The following RASGRF2 variants were observed in gnomAD, a reference collection of about 807,000 sequenced individuals.
RASGRF2 encodes ras-specific guanine nucleotide-releasing factor 2.
A neutral mutation model predicts 151.0 loss-of-function variants in RASGRF2; 76 were observed. The observed-to-expected ratio is 0.50, with a 90% confidence interval of 0.42 to 0.61. The LOEUF is 0.61. Among genes scored for constraint, RASGRF2 ranks in the 20% least tolerant of loss-of-function variants. RASGRF2 has a pLI of 0.00. For synonymous variants in RASGRF2, 504 were observed against 566.5 expected (o/e 0.89, Z 1.57); for missense variants, 1,148 against 1,564.6 (o/e 0.73, Z 4.49).
chr5:81,092,445 T>C (rs112896712), intron 9 of RASGRF2, among the ~76,000 whole-genome samples: 3 of 152,224 alleles, frequency 2.0e-5, no homozygotes, highest in African/African-American at 7.2e-5. Context: ...AATTATGCAA[T>C]ATGTATGTTA....
intron 18 of RASGRF2, among the ~76,000 whole-genome samples, chr5:81,186,753 T>C (rs1755035539): frequency 6.6e-6 from 1 of 152,170 alleles, no homozygotes; most frequent in African/African-American, 2.4e-5. Flanking sequence ...TCTCCAAAAA[T>C]CACAGTAGGA....
chr5:81,005,612 A>G (rs947074340), intron 1 of RASGRF2, among the ~76,000 whole-genome samples: 7 of 152,212 alleles, frequency 4.6e-5, no homozygotes, highest in African/African-American at 1.4e-4. Context: ...TTGTATGGAT[A>G]TACCACATTT....
At chr5:81,158,463 A>T (rs942956749) in intron 17 of RASGRF2, among the ~76,000 whole-genome samples, 1 of 152,232 alleles carries the variant, frequency 6.6e-6, no homozygotes, top group South Asian at 2.1e-4. Flanking sequence ...ATTAGGCTTC[A>T]TCAAAATTGG....
chr5:80,979,460 C>G (rs1293810621), intron 1 of RASGRF2, among the ~76,000 whole-genome samples: 1 of 152,106 alleles, frequency 6.6e-6, no homozygotes, highest in East Asian at 1.9e-4. Context: ...CCTCAAATTA[C>G]CCTATTTAAT....
At chr5:81,059,240 C>T (rs571414194) in intron 2 of RASGRF2, among the ~76,000 whole-genome samples, 51 of 151,672 alleles carry the variant, frequency 3.4e-4, no homozygotes, top group Non-Finnish European at 6.3e-4. Context: ...AAAAATTAGC[C>T]GGGCCTGGTG....
intron 17 of RASGRF2, among the ~76,000 whole-genome samples, chr5:81,144,998 G>C (rs1399241632): frequency 6.6e-6 from 1 of 152,126 alleles, no homozygotes; most frequent in Admixed American, 6.6e-5. Flanking sequence ...CCAGCACTTT[G>C]GGAGGCTGAG....
At chr5:81,007,875 G>A (rs759447834) in intron 1 of RASGRF2, among the ~76,000 whole-genome samples, 2 of 152,090 alleles carry the variant, frequency 1.3e-5, no homozygotes, top group African/African-American at 2.4e-5. Flanking sequence ...GGGAGGGGGT[G>A]AACTGAAGAG....
At chr5:81,112,522 G>A in intron 13 of RASGRF2, 88 bp from the exon 14 acceptor site, 2 of 1,543,798 alleles carry the variant, frequency 1.3e-6, no homozygotes, top group South Asian at 1.2e-5. Context: ...CCACTCCTGA[G>A]TGTGTGATTA....
At position 81,095,005 on chromosome 5, in the gene RASGRF2, C is replaced by T. The variant is rs779837158; in HGVS notation, c.1755+13C>T. On this transcript the variant is annotated intron_variant, in intron 12 of 26. Coordinates refer to ENST00000265080, the MANE Select transcript of RASGRF2 (RefSeq NM_006909.3). ...TGACATCAGTCAGGTAAGAAAGTGG[C>T]TTTTGCCAAATTTTTGTTTTTTAAA... 24 of 1,406,560 alleles carry T rather than the reference C, an allele frequency of 1.7e-5. No individual in the cohort carries two copies. Among genetic ancestry groups the T allele is most frequent in the Admixed American group, 5.7e-5 (2 of 35,270 alleles). 87.1% of individuals were successfully genotyped at this position (1,406,560 alleles called of 1,614,324 possible).
intron 1 of RASGRF2, among the ~76,000 whole-genome samples, chr5:80,990,218 G>GTTT (rs10558206): frequency 7.3e-6 from 1 of 137,918 alleles, no homozygotes. Flanking sequence ...ACTGCCAGAT[G>GTTT]TTTTTTTTTT....
chr5:81,183,253 A>C (rs1444438431), intron 18 of RASGRF2: 1 of 979,656 alleles, frequency 1.0e-6, no homozygotes, highest in Non-Finnish European at 1.2e-6. Context: ...TTACCCACAG[A>C]TCTAGAGAAT....
At chr5:81,126,107 G>A (rs1410214338) in intron 16 of RASGRF2, among the ~76,000 whole-genome samples, 1 of 152,252 alleles carries the variant, frequency 6.6e-6, no homozygotes, top group Non-Finnish European at 1.5e-5. Context: ...GCTAATAAAA[G>A]CCCTTCAGGT....
intron 1 of RASGRF2, among the ~76,000 whole-genome samples, chr5:81,030,071 A>G (rs941938552): frequency 2.6e-5 from 4 of 152,166 alleles, no homozygotes; most frequent in African/African-American, 4.8e-5. Flanking sequence ...AGATCAAATA[A>G]ATGAAATGAA....
intron 19 of RASGRF2, among the ~76,000 whole-genome samples, chr5:81,203,007 C>T (rs1316698881): frequency 6.6e-6 from 1 of 152,198 alleles, no homozygotes; most frequent in East Asian, 1.9e-4. Context: ...TTTATTAAGG[C>T]AGCCCTAGGA....
intron 2 of RASGRF2, 62 bp downstream of exon 2, chr5:81,043,045 T>C (rs1044546605): frequency 7.8e-7 from 1 of 1,281,892 alleles, no homozygotes; most frequent in Non-Finnish European, 1.1e-6. Flanking sequence ...GGGTTATCAC[T>C]GTTGGTGGTA....
rs780773365 is a variant in RASGRF2 at position 80,995,397 on chromosome 5, TATAC to T, written c.288+34373_288+34376del. Among the ~76,000 whole-genome samples the T allele has an allele frequency of 2.3e-3, 246 of 107,610 alleles. 1 individual carries two copies. Among genetic ancestry groups the T allele is most frequent in the African/African-American group, 3.0e-3 (100 of 32,858 alleles). 70.6% of individuals were successfully genotyped at this position (107,610 alleles called of 152,430 possible). ...GGAATTTCATATATATATATATATA[TATAC>T]ACACACACACACACACAGGCAGGCA... On this transcript the variant is annotated intron_variant, in intron 1 of 26. Coordinates refer to ENST00000265080, the MANE Select transcript of RASGRF2 (RefSeq NM_006909.3).
intron 17 of RASGRF2, among the ~76,000 whole-genome samples, chr5:81,155,967 T>C (rs1364839769): frequency 1.3e-5 from 2 of 152,176 alleles, no homozygotes; most frequent in African/African-American, 4.8e-5. Context: ...GTTCAAGGCC[T>C]AAGTGTGGGT....
chr5:81,132,678 C>A (rs150081879), intron 17 of RASGRF2, among the ~76,000 whole-genome samples: 72 of 152,286 alleles, frequency 4.7e-4, no homozygotes, highest in African/African-American at 1.7e-3. Flanking sequence ...CAAGCACTAA[C>A]TAAACTGTTA....
intron 1 of RASGRF2, among the ~76,000 whole-genome samples, chr5:81,027,476 C>T (rs538174733): frequency 6.6e-6 from 1 of 152,176 alleles, no homozygotes; most frequent in Non-Finnish European, 1.5e-5. Context: ...CCATTCCCCT[C>T]GCTCCTGGCA....
Sources: allele counts gnomAD v4.1 joint callset (sites outside exome capture counted in the v4.1 genomes callset), GRCh38; gene constraint gnomAD v4.1.1; transcripts MANE v1.5; gene names NCBI Gene and HGNC (gene_info 2026-07-23, HGNC 2026-07-21).